Variants in KAZN observed in about 807,000 individuals in gnomAD.
KAZN encodes kazrin.
Under a neutral mutation model 87.4 loss-of-function variants are expected in KAZN, and 40 were observed. That is an observed-to-expected ratio of 0.46 (90% CI 0.36 to 0.60). The LOEUF is 0.60. Among genes scored for constraint, KAZN ranks in the 20% least tolerant of loss-of-function variants. The pLI is 0.00. For synonymous variants in KAZN, 466 were observed against 458.3 expected (o/e 1.02, Z -0.22); for missense variants, 898 against 1,073.9 (o/e 0.84, Z 2.29).
intron 2 of KAZN, among the ~76,000 whole-genome samples, chr1:14,980,214 G>A (rs1433961245): frequency 6.6e-6 from 1 of 152,158 alleles, no homozygotes; most frequent in African/African-American, 2.4e-5. Context: ...TTAAAGACCA[G>A]CTGTTTACTG....
intron 2 of KAZN, among the ~76,000 whole-genome samples, chr1:14,531,137 A>G (rs1042341156): frequency 1.3e-5 from 2 of 152,214 alleles, no homozygotes; most frequent in Non-Finnish European, 2.9e-5. Flanking sequence ...CAACACAAAA[A>G]TGGACTGACA....
chr1:14,578,687 T>C (rs1385005406), intron 2 of KAZN, among the ~76,000 whole-genome samples: 2 of 152,222 alleles, frequency 1.3e-5, no homozygotes, highest in African/African-American at 4.8e-5. Context: ...TCCATTCATA[T>C]ACAAGTGAAA....
At chr1:14,246,157 A>T (rs1279722643) in intron 2 of KAZN, among the ~76,000 whole-genome samples, 1 of 152,116 alleles carries the variant, frequency 6.6e-6, no homozygotes, top group African/African-American at 2.4e-5. Flanking sequence ...GGAACAACAT[A>T]CACTGGGTCC....
chr1:14,999,544 C>A (rs1395791007), intron 2 of KAZN, among the ~76,000 whole-genome samples: 1 of 147,752 alleles, frequency 6.8e-6, no homozygotes, highest in Non-Finnish European at 1.5e-5. Flanking sequence ...GCCTTGAGTT[C>A]CATGAGGCCT....
At position 15,059,947 on chromosome 1, in the gene KAZN, G is replaced by T. The variant is rs1032629380; in HGVS notation, c.917-225G>T. ...TCCTCGTTCACGCTGGTGGAGGAGG[G>T]TTCATTGGATCCAGAGGCTATGGGA... On this transcript the variant is annotated intron_variant, in intron 5 of 14. Transcript: ENST00000376030. Among the ~76,000 whole-genome samples, 7 of 152,190 alleles carry T rather than the reference G, an allele frequency of 4.6e-5. No homozygotes were observed. In the South Asian group the frequency reaches 6.2e-4, roughly 14 times the overall value.
intron 2 of KAZN, among the ~76,000 whole-genome samples, chr1:14,201,093 A>G (rs1489234683): frequency 6.6e-6 from 1 of 152,210 alleles, no homozygotes; most frequent in East Asian, 1.9e-4. Flanking sequence ...TAGATAATGA[A>G]TGATGAGCAA....
At position 13,916,199 on chromosome 1, in the gene KAZN, A is replaced by G. The variant is rs146401527; in HGVS notation, c.91+22443A>G. Among the ~76,000 whole-genome samples, 1,067 of 152,126 alleles carry G rather than the reference A, an allele frequency of 7.0e-3. 10 individuals carry two copies. The highest frequency in any genetic ancestry group is 0.025 in the African/African-American group (1,027 of 41,500). ...CACCTACCCTGATGGGAGAGTTGGG[A>G]CCCTGGATGGAAAATCCCACACCAG... On this transcript the variant is annotated intron_variant, in intron 1 of 16. Transcript: ENST00000636203.
intron 1 of KAZN, among the ~76,000 whole-genome samples, chr1:14,141,087 G>A (rs4662119): frequency 8.6e-5 from 13 of 151,284 alleles, no homozygotes; most frequent in South Asian, 2.1e-4. Flanking sequence ...CCTGGACGCC[G>A]TTCTGGCTGC....
intron 1 of KAZN, among the ~76,000 whole-genome samples, chr1:14,693,429 A>G (rs1442466058): frequency 6.6e-6 from 1 of 152,182 alleles, no homozygotes; most frequent in African/African-American, 2.4e-5. Flanking sequence ...CTGGAAGAGG[A>G]GGATCCTAAG....
rs76352829 is a variant in KAZN, at chr1:13,925,109, A to G, written c.91+31353A>G. 7.9e-5 allele frequency among the ~76,000 whole-genome samples: 12 copies of G among 152,182 alleles called. No homozygotes were observed. In the East Asian group the frequency reaches 2.1e-3, roughly 27 times the overall value. Reference sequence around the variant, plus strand: ...CAGATTCCTTCCACCCCGGGCGACCACTCATCTGCTTTCTGTTTCTATGTA... The same window carrying G: ...CAGATTCCTTCCACCCCGGGCGACCGCTCATCTGCTTTCTGTTTCTATGTA... On this transcript the variant is annotated intron_variant, in intron 1 of 16. Transcript: ENST00000636203.
intron 1 of KAZN, among the ~76,000 whole-genome samples, chr1:14,738,640 C>G (rs1188128934): frequency 6.6e-6 from 1 of 152,016 alleles, no homozygotes; most frequent in Admixed American, 6.6e-5. Context: ...GAGGTAAGTC[C>G]AGGCAGGTAA....
intron 1 of KAZN, among the ~76,000 whole-genome samples, chr1:14,122,795 T>C (rs1362545325): frequency 2.0e-5 from 3 of 152,214 alleles, no homozygotes; most frequent in African/African-American, 7.2e-5. Flanking sequence ...TTCTACAACA[T>C]CATGCCTTAA....
chr1:14,161,863 A>G (rs1205196690), intron 1 of KAZN, among the ~76,000 whole-genome samples: 2 of 152,182 alleles, frequency 1.3e-5, no homozygotes, highest in Non-Finnish European at 2.9e-5. Flanking sequence ...TAATTCCTTA[A>G]ATGTTGTTTT....
intron 1 of KAZN, among the ~76,000 whole-genome samples, chr1:14,129,321 G>A (rs141693045): frequency 4.6e-5 from 7 of 152,270 alleles, no homozygotes; most frequent in African/African-American, 1.4e-4. Flanking sequence ...TCTGATACTC[G>A]ATCCCTGTGC....
At chr1:14,041,835 C>A (rs1641851428) in intron 1 of KAZN, among the ~76,000 whole-genome samples, 1 of 152,154 alleles carries the variant, frequency 6.6e-6, no homozygotes. Context: ...CACCCACACC[C>A]CAATGGATAG....
rs535276713 is a variant in KAZN, at chr1:14,356,563, G to T, written c.249+175971G>T. Among the ~76,000 whole-genome samples, 504 of 152,050 alleles carry T rather than the reference G, an allele frequency of 3.3e-3. 2 individuals carry two copies. Among genetic ancestry groups the T allele is most frequent in the African/African-American group, 0.011 (477 of 41,516 alleles). ...CTAGGGTTTTTATGGTTTTAGGTCT[G>T]ACATTTAAGTCTTTAATCCATCTTG... is the stretch of plus-strand genomic sequence containing the variant. On this transcript the variant is annotated intron_variant, in intron 2 of 16. Coordinates refer to the KAZN transcript ENST00000636203.
At chr1:14,865,645 C>T (rs979343500) in intron 1 of KAZN, among the ~76,000 whole-genome samples, 3 of 152,210 alleles carry the variant, frequency 2.0e-5, no homozygotes, top group Middle Eastern at 3.2e-3. Flanking sequence ...CCTTGCTCTC[C>T]AGCCATCCTG....
chr1:15,032,963 G>GA lies in KAZN; in HGVS notation c.419-1777dup, dbSNP rs746235185. On this transcript the variant is annotated intron_variant, in intron 2 of 14. Coordinates refer to ENST00000376030, the MANE Select transcript of KAZN (RefSeq NM_201628.3). ...GACTCTGTCTAAAAAAAAAGGAAAAGAAAAAAAAACTCCGGAAAAGAAAAT... is the reference window on the plus strand; with the variant it reads ...GACTCTGTCTAAAAAAAAAGGAAAAGAAAAAAAAAACTCCGGAAAAGAAAAT... 2.2e-3 allele frequency among the ~76,000 whole-genome samples: 331 copies of GA among 149,332 alleles called. 1 individual carries two copies. Among genetic ancestry groups the GA allele is most frequent in the African/African-American group, 7.6e-3 (308 of 40,670 alleles).
intron 2 of KAZN, among the ~76,000 whole-genome samples, chr1:14,365,347 G>A (rs567793910): frequency 6.7e-4 from 87 of 129,706 alleles, no homozygotes; most frequent in African/African-American, 2.4e-3. Flanking sequence ...GCGCCCCGGC[G>A]CCCACCCCCT....
Sources: gnomAD v4.1 joint callset for allele counts (sites outside exome capture counted in the v4.1 genomes callset) on GRCh38, gnomAD v4.1.1 for gene constraint, MANE v1.5 for transcripts, NCBI Gene and HGNC (gene_info 2026-07-23, HGNC 2026-07-21) for gene names.